Variants in COL26A1 observed in about 807,000 individuals in gnomAD.
COL26A1 encodes the protein collagen type XXVI alpha 1 chain, also known as collagen alpha-1(XXVI) chain.
A neutral mutation model predicts 59.3 loss-of-function variants in COL26A1; 41 were observed. That is an observed-to-expected ratio of 0.69 (90% CI 0.54 to 0.90). The LOEUF (loss-of-function observed/expected upper bound fraction) is 0.90, where lower values mean the gene tolerates loss of function less well. COL26A1 is among the 40% of genes least tolerant of loss of function. The pLI is 0.00. For missense variants in COL26A1, 612 were observed against 602.3 expected (o/e 1.02, Z -0.17); for synonymous variants, 266 against 256.0 (o/e 1.04, Z -0.37).
chr7:101,523,386 T>C (rs78702602), intron 3 of COL26A1, among the ~76,000 whole-genome samples: 3,024 of 152,256 alleles, frequency 0.02, 34 homozygotes, highest in Middle Eastern at 0.071. Context: ...TTCTTAATTT[T>C]AATGTGGTCT....
At chr7:101,373,916 C>T (rs1419450277) in intron 1 of COL26A1, among the ~76,000 whole-genome samples, 1 of 152,198 alleles carries the variant, frequency 6.6e-6, no homozygotes, top group Non-Finnish European at 1.5e-5. Flanking sequence ...AATAAGAGCA[C>T]TCCTCCAGGC....
At chr7:101,420,340 G>A (rs893234335) in intron 2 of COL26A1, among the ~76,000 whole-genome samples, 1 of 106,776 alleles carries the variant, frequency 9.4e-6, no homozygotes, top group African/African-American at 2.7e-5. Context: ...GTGGGTGTTT[G>A]ACAGACAGAA....
At chr7:101,432,838 G>T (rs2001755) in intron 2 of COL26A1, among the ~76,000 whole-genome samples, 69,678 of 151,718 alleles carry the variant, frequency 0.46, 17,280 homozygotes, top group Admixed American at 0.58. Flanking sequence ...TAGTAGCTGG[G>T]ATTAGAGGTA....
intron 3 of COL26A1, among the ~76,000 whole-genome samples, chr7:101,526,845 A>G (rs1795257581): frequency 6.6e-6 from 1 of 152,136 alleles, no homozygotes; most frequent in Non-Finnish European, 1.5e-5. Flanking sequence ...CCCTTTATAG[A>G]TGGGAAAACT....
At chr7:101,406,737 G>C (rs1190615941) in intron 1 of COL26A1, among the ~76,000 whole-genome samples, 1 of 152,108 alleles carries the variant, frequency 6.6e-6, no homozygotes, top group African/African-American at 2.4e-5. Flanking sequence ...TTGAGCCCAG[G>C]AGTTCTGAGA....
intron 3 of COL26A1, among the ~76,000 whole-genome samples, chr7:101,507,525 G>T (rs146079255): frequency 2.6e-4 from 39 of 152,174 alleles, no homozygotes; most frequent in Non-Finnish European, 4.4e-4. Flanking sequence ...CGCCTCAGGT[G>T]ATCCTCCCAC....
intron 3 of COL26A1, among the ~76,000 whole-genome samples, chr7:101,450,781 T>TGAATTCCATAGTCTATATGAATAA: frequency 6.9e-6 from 1 of 144,502 alleles, no homozygotes; most frequent in African/African-American, 2.7e-5. Flanking sequence ...TATATGAATA[T>TGAATTCCATAGTCTATATGAATAA]GAATTCCATA....
chr7:101,421,518 T>C (rs1344239212), intron 2 of COL26A1, among the ~76,000 whole-genome samples: 1 of 151,720 alleles, frequency 6.6e-6, no homozygotes, highest in Non-Finnish European at 1.5e-5. Flanking sequence ...CTACTAAAAA[T>C]ACAAAAATTA....
intron 1 of COL26A1, among the ~76,000 whole-genome samples, chr7:101,376,839 ATTTATTTTCTTTAT>A (rs964665422): frequency 6.6e-5 from 10 of 151,808 alleles, no homozygotes; most frequent in South Asian, 6.3e-4. Context: ...GAGGCTGAGG[ATTTATTTTCTTTAT>A]TTTATTTTCT....
At chr7:101,554,179 G>A (rs1795919132) in intron 11 of COL26A1, among the ~76,000 whole-genome samples, 1 of 152,106 alleles carries the variant, frequency 6.6e-6, no homozygotes, top group Non-Finnish European at 1.5e-5. Context: ...CTGAGATGGG[G>A]CCGGCAGGGG....
At chr7:101,443,712 T>C (rs1257996647) in intron 2 of COL26A1, among the ~76,000 whole-genome samples, 2 of 152,054 alleles carry the variant, frequency 1.3e-5, no homozygotes, top group East Asian at 3.9e-4. Flanking sequence ...TCTTGGAGTG[T>C]GACAAAAAAG....
chr7:101,442,921 G>C (rs1044747924), intron 2 of COL26A1, among the ~76,000 whole-genome samples: 1 of 150,102 alleles, frequency 6.7e-6, no homozygotes, highest in African/African-American at 2.4e-5. Context: ...GTGTGAGAGA[G>C]CAAATGAGTG....
At chr7:101,500,543 C>T (rs539161492) in intron 3 of COL26A1, among the ~76,000 whole-genome samples, 14 of 152,300 alleles carry the variant, frequency 9.2e-5, no homozygotes, top group Admixed American at 4.6e-4. Flanking sequence ...CCGGACCGGG[C>T]GCGGTGCCTC....
intron 3 of COL26A1, among the ~76,000 whole-genome samples, chr7:101,459,056 C>T (rs1023184782): frequency 1.3e-5 from 2 of 152,130 alleles, no homozygotes; most frequent in African/African-American, 4.8e-5. Context: ...TCAAGCGATC[C>T]TCCCACCTTG....
intron 3 of COL26A1, among the ~76,000 whole-genome samples, chr7:101,476,338 G>A (rs1183966925): frequency 2.0e-5 from 3 of 152,062 alleles, no homozygotes; most frequent in Non-Finnish European, 4.4e-5. Context: ...TGTTAGTGTT[G>A]TCAAAAGACA....
chr7:101,466,998 C>T (rs926097659), intron 3 of COL26A1, among the ~76,000 whole-genome samples: 1 of 151,812 alleles, frequency 6.6e-6, no homozygotes, highest in Non-Finnish European at 1.5e-5. Flanking sequence ...AGTTAGTGAC[C>T]CCCTGCAAAG....
chr7:101,538,614 G>A (rs1024650395), intron 4 of COL26A1, among the ~76,000 whole-genome samples: 8 of 152,282 alleles, frequency 5.3e-5, no homozygotes, highest in African/African-American at 1.9e-4. Context: ...GCCATCGGAG[G>A]ACTGTGTCCC....
intron 6 of COL26A1, 88 bp downstream of exon 6, chr7:101,544,184 G>A (rs368192242): frequency 1.3e-5 from 13 of 968,258 alleles, no homozygotes; most frequent in African/African-American, 4.9e-5. Flanking sequence ...GGTGTCCCAC[G>A]CACCCACAGC....
chr7:101,534,134 G>A (rs1242774601), intron 4 of COL26A1, among the ~76,000 whole-genome samples: 1 of 152,218 alleles, frequency 6.6e-6, no homozygotes, highest in African/African-American at 2.4e-5. Context: ...GGGACAGCAG[G>A]GTTGGCTGCA....
Sources: gnomAD v4.1 joint callset for allele counts (sites outside exome capture counted in the v4.1 genomes callset) on GRCh38, gnomAD v4.1.1 for gene constraint, MANE v1.5 for transcripts, NCBI Gene and HGNC (gene_info 2026-07-23, HGNC 2026-07-21) for gene names.